Variants in CATSPERB observed in about 807,000 individuals in gnomAD.
CATSPERB encodes cation channel sperm-associated auxiliary subunit beta.
In CATSPERB, 93 loss-of-function variants were observed where a neutral mutation model predicts 128.3. The ratio of observed to expected loss-of-function variants is 0.72; its 90% CI spans 0.61 to 0.86. The LOEUF (loss-of-function observed/expected upper bound fraction) is 0.86. CATSPERB is among the 40% of genes least tolerant of loss of function. CATSPERB has a pLI of 0.00. For synonymous variants in CATSPERB, 381 were observed against 448.8 expected (o/e 0.85, Z 1.91); for missense variants, 1,153 against 1,329.5 (o/e 0.87, Z 2.06).
chr14:91,674,153 T>G, intron 12 of CATSPERB, 23 bp downstream of exon 12: 1 of 1,391,250 alleles, frequency 7.2e-7, no homozygotes, highest in Non-Finnish European at 1.0e-6. Context: ...ATTTCTTAAC[T>G]TATAAAATAT....
intron 22 of CATSPERB, chr14:91,604,531 C>T: frequency 1.2e-6 from 2 of 1,606,322 alleles, no homozygotes; most frequent in Non-Finnish European, 1.7e-6. Context: ...AGGCAGCCTC[C>T]AAGTCACTGG....
chr14:91,653,424 C>G (rs1471036198), intron 15 of CATSPERB, among the ~76,000 whole-genome samples: 1 of 152,216 alleles, frequency 6.6e-6, no homozygotes, highest in African/African-American at 2.4e-5. Flanking sequence ...ACCCTTCTAA[C>G]AAGTAAGAAG....
intron 22 of CATSPERB, among the ~76,000 whole-genome samples, chr14:91,606,228 T>G (rs1305768591): frequency 6.6e-6 from 1 of 151,784 alleles, no homozygotes; most frequent in Non-Finnish European, 1.5e-5. Context: ...ACCTCATAGT[T>G]TCTGATGCAG....
rs140684334 is a variant in CATSPERB, at chr14:91,698,837, T to C, written c.617-5358A>G. Among the ~76,000 whole-genome samples, 8 of 152,310 alleles carry C rather than the reference T, an allele frequency of 5.3e-5. No homozygotes were observed. In the East Asian group the frequency reaches 1.5e-3, roughly 29 times the overall value. On this transcript the variant is annotated intron_variant, in intron 7 of 26. Coordinates refer to ENST00000256343, the MANE Select transcript of CATSPERB (RefSeq NM_024764.4). ...TACATTGTACCTAATGTGTGGTTTT[T>C]TTTATCCCTAGCTCCCTCCCAACCT...
chr14:91,593,383 G>A (rs1893445560), intron 22 of CATSPERB, among the ~76,000 whole-genome samples: 1 of 152,320 alleles, frequency 6.6e-6, no homozygotes, highest in South Asian at 2.1e-4. Context: ...AAGCAGCCAG[G>A]ATGGAGGCTG....
At chr14:91,604,950 G>T (rs777326299) in intron 22 of CATSPERB, 14 of 1,176,298 alleles carry the variant, frequency 1.2e-5, no homozygotes, top group Non-Finnish European at 1.7e-5. Flanking sequence ...TCTTGCATCT[G>T]CTGGAGGCTG....
At chr14:91,589,396 T>C in intron 24 of CATSPERB, 138 bp downstream of exon 24, 2 of 711,536 alleles carry the variant, frequency 2.8e-6, no homozygotes, top group South Asian at 3.1e-5. Flanking sequence ...AACAGCAATA[T>C]GCCAACTGAT....
rs191636694 is a variant in CATSPERB at position 91,662,261 on chromosome 14, T to C, written c.1288-2280A>G. 2.9e-3 allele frequency among the ~76,000 whole-genome samples: 444 copies of C among 152,324 alleles called. 3 individuals are homozygous for C. Among genetic ancestry groups the C allele is most frequent in the Non-Finnish European group, 4.5e-3 (305 of 68,022 alleles). On this transcript the variant is annotated intron_variant, in intron 14 of 26. Transcript: ENST00000256343. ...AAGCACATATGTTTAAATAACATAA[T>C]GCTTAATTTTACTTATTTTTGCTCC...
chr14:91,719,725 T>C (rs1269065234), intron 4 of CATSPERB, among the ~76,000 whole-genome samples: 1 of 152,148 alleles, frequency 6.6e-6, no homozygotes, highest in Non-Finnish European at 1.5e-5. Flanking sequence ...TATTCATCAG[T>C]TATGTATAAT....
intron 7 of CATSPERB, among the ~76,000 whole-genome samples, chr14:91,694,962 G>A (rs905126718): frequency 1.3e-5 from 2 of 152,100 alleles, no homozygotes; most frequent in African/African-American, 4.8e-5. Context: ...TTTGTAGAAC[G>A]AGTCATATTT....
At chr14:91,678,524 T>G (rs1895228833) in intron 11 of CATSPERB, among the ~76,000 whole-genome samples, 1 of 152,244 alleles carries the variant, frequency 6.6e-6, no homozygotes. Context: ...ATGTCATATC[T>G]GGCACACTAC....
chr14:91,629,511 G>A (rs8010970), intron 17 of CATSPERB, among the ~76,000 whole-genome samples: 109,024 of 152,046 alleles, frequency 0.72, 39,271 homozygotes, highest in Admixed American at 0.78. Context: ...CCTAATGTAG[G>A]TACGTACGCT....
chr14:91,729,176 T>C (rs553764107), intron 2 of CATSPERB, among the ~76,000 whole-genome samples: 2 of 152,158 alleles, frequency 1.3e-5, no homozygotes, highest in South Asian at 4.2e-4. Flanking sequence ...CCATCTCTAC[T>C]AAAAATACAA....
intron 16 of CATSPERB, 81 bp from the exon 17 acceptor site, chr14:91,636,660 T>G: frequency 1.6e-6 from 2 of 1,230,326 alleles, no homozygotes; most frequent in Non-Finnish European, 2.2e-6. Flanking sequence ...CAGATTTATT[T>G]CCAGTTCACA....
chr14:91,694,526 G>A (rs142088777), intron 7 of CATSPERB, among the ~76,000 whole-genome samples: 2,052 of 150,018 alleles, frequency 0.014, 63 homozygotes, highest in African/African-American at 0.048. Flanking sequence ...AGAGAACAGA[G>A]GAAAATTTTT....
chr14:91,610,772 A>G (rs1353168057), intron 20 of CATSPERB, 95 bp from the exon 21 acceptor site: 6 of 1,139,282 alleles, frequency 5.3e-6, no homozygotes, highest in Non-Finnish European at 7.6e-6. Context: ...CCCAACCTCC[A>G]GTATCTCAAA....
rs1318199919 is a variant in CATSPERB at position 91,589,515 on chromosome 14, A to C, written c.2956+19T>G. 3 of 1,600,918 alleles carry C rather than the reference A, an allele frequency of 1.9e-6. No homozygotes were observed. Reference sequence around the variant, plus strand: ...ATTACTTATCAGATAAAATAATTACAGATGAAAGCAAACCCTACTCAGTTT... The same window carrying C: ...ATTACTTATCAGATAAAATAATTACCGATGAAAGCAAACCCTACTCAGTTT... On this transcript the variant is annotated intron_variant, in intron 24 of 26. Transcript: ENST00000256343.
chr14:91,595,263 T>C (rs1893483210), intron 22 of CATSPERB, among the ~76,000 whole-genome samples: 1 of 151,900 alleles, frequency 6.6e-6, no homozygotes, highest in Non-Finnish European at 1.5e-5. Flanking sequence ...GATAGAACTT[T>C]GTTCTATAGG....
intron 5 of CATSPERB, among the ~76,000 whole-genome samples, chr14:91,716,181 C>T (rs985256582): frequency 1.3e-5 from 2 of 152,114 alleles, no homozygotes; most frequent in African/African-American, 4.8e-5. Flanking sequence ...GTGGTAACAC[C>T]CATATCCAGA....
Sources: gnomAD v4.1 joint callset for allele counts (sites outside exome capture counted in the v4.1 genomes callset) on GRCh38, gnomAD v4.1.1 for gene constraint, MANE v1.5 for transcripts, NCBI Gene and HGNC (gene_info 2026-07-23, HGNC 2026-07-21) for gene names.